Variants in SHC4 observed in about 807,000 individuals in gnomAD.
SHC4 encodes SHC adaptor protein 4, also known as SHC-transforming protein 4.
SHC4 carries 41 observed loss-of-function variants against 69.4 expected under a neutral mutation model. The ratio of observed to expected loss-of-function variants is 0.59; its 90% CI spans 0.46 to 0.77. SHC4 has a LOEUF of 0.77. SHC4 is among the 30% of genes least tolerant of loss of function. SHC4 has a pLI of 0.00. For synonymous variants in SHC4, 318 were observed against 299.3 expected, an observed-to-expected ratio of 1.06 and a Z score of -0.64; for missense variants, 777 against 783.8, an observed-to-expected ratio of 0.99 and a Z score of 0.10.
chr15:48,950,819 C>T (rs1901353828), intron 1 of SHC4, among the ~76,000 whole-genome samples: 1 of 151,950 alleles, frequency 6.6e-6, no homozygotes, highest in East Asian at 1.9e-4. Context: ...GCTTGGGTCG[C>T]GATGGTTGGC....
At chr15:48,898,999 T>C (rs1486110687) in intron 2 of SHC4, among the ~76,000 whole-genome samples, 1 of 149,050 alleles carries the variant, frequency 6.7e-6, no homozygotes, top group Non-Finnish European at 1.5e-5. Flanking sequence ...AGTTAAAGAG[T>C]GCACTGATGC....
intron 2 of SHC4, among the ~76,000 whole-genome samples, chr15:48,905,210 G>A (rs1056328587): frequency 1.3e-5 from 2 of 152,148 alleles, no homozygotes; most frequent in Non-Finnish European, 2.9e-5. Context: ...TCCGTTATTC[G>A]ATAAATTATT....
At chr15:48,892,436 G>T (rs1336574917) in intron 2 of SHC4, among the ~76,000 whole-genome samples, 2 of 151,960 alleles carry the variant, frequency 1.3e-5, no homozygotes, top group African/African-American at 2.4e-5. Context: ...GTTTCTCTAG[G>T]ATTCTATCCT....
At chr15:48,953,524 T>G (rs1284859772) in intron 1 of SHC4, among the ~76,000 whole-genome samples, 4 of 152,142 alleles carry the variant, frequency 2.6e-5, no homozygotes, top group Non-Finnish European at 5.9e-5. Context: ...GGCCAGACAA[T>G]GGGCCTCTCT....
intron 10 of SHC4, among the ~76,000 whole-genome samples, chr15:48,836,793 A>G (rs1183594193): frequency 6.6e-6 from 1 of 152,150 alleles, no homozygotes; most frequent in African/African-American, 2.4e-5. Context: ...TTTTGTCCCT[A>G]CTTGAGGGCT....
chr15:48,962,683 G>T lies in SHC4; in HGVS notation c.333C>A (p.Thr111=). ...GGAGCTTCAGCCGAGGCACCTCTTT[G>T]GTACCCAGGCAAAAGTTTTTCAGAC... is the stretch of plus-strand genomic sequence containing the variant. The part of the protein sequence containing the change: ...LLSLKNFCLG[T]KEVPRLKLQE... The change falls in exon 1 of 12, where the codon ACC becomes ACA. Residue 111 remains threonine, a synonymous_variant. Transcript: ENST00000332408. 6.2e-7 allele frequency: 1 copy of T among 1,614,166 alleles called. No individual in the cohort carries two copies. Among genetic ancestry groups the T allele is most frequent in the Non-Finnish European group, 8.5e-7 (1 of 1,180,038 alleles).
At chr15:48,937,497 T>A (rs1281863442) in intron 1 of SHC4, among the ~76,000 whole-genome samples, 15 of 152,118 alleles carry the variant, frequency 9.9e-5, no homozygotes, top group Admixed American at 9.8e-4. Flanking sequence ...ATCTTTCCGA[T>A]CCTGACCTAA....
chr15:48,827,206 T>C (rs1898705719), intron 11 of SHC4, among the ~76,000 whole-genome samples: 1 of 152,182 alleles, frequency 6.6e-6, no homozygotes, highest in Non-Finnish European at 1.5e-5. Flanking sequence ...TGGAGTTCTG[T>C]CTAGATGTTG....
chr15:48,864,649 G>A (rs548670345), intron 6 of SHC4, among the ~76,000 whole-genome samples: 127 of 151,538 alleles, frequency 8.4e-4, no homozygotes, highest in African/African-American at 1.9e-3. Flanking sequence ...GGGTTTCACC[G>A]TGTTAGCCAG....
At chr15:48,849,884 G>C (rs1899173480) in intron 9 of SHC4, among the ~76,000 whole-genome samples, 1 of 152,156 alleles carries the variant, frequency 6.6e-6, no homozygotes, top group Non-Finnish European at 1.5e-5. Flanking sequence ...TCTATCATAA[G>C]AAGGCATATT....
chr15:48,890,846 C>G (rs1214340772), intron 2 of SHC4, 35 bp from the exon 3 acceptor site: 2 of 1,603,200 alleles, frequency 1.2e-6, no homozygotes, highest in Non-Finnish European at 1.7e-6. Flanking sequence ...AAAGACTTAG[C>G]ATACTACCTC....
chr15:48,826,236 T>C (rs1898685842), intron 11 of SHC4, 110 bp from the exon 12 acceptor site: 1 of 1,060,986 alleles, frequency 9.4e-7, no homozygotes, highest in African/African-American at 1.6e-5. Context: ...GATACTTTGC[T>C]GAAAAAAGAA....
At position 48,834,937 on chromosome 15, in the gene SHC4, G is replaced by C; in HGVS notation, c.1569C>G (p.Ser523Arg). ...TCAGCTTGCCATGATAGCATTCTTCGCTCCACAGCTGCTGCTTAATGTGTG... is the reference window on the plus strand; with the variant it reads ...TCAGCTTGCCATGATAGCATTCTTCCCTCCACAGCTGCTGCTTAATGTGTG... ...SLPHIKQQLW[S>R]EECYHGKLSR... Residue 523 changes from serine (S) to arginine (R), a missense_variant, in exon 11 of 12, where the codon AGC becomes AGG. By Grantham distance (110) the Ser-to-Arg change is moderately radical. Transcript: ENST00000332408. The C allele has an allele frequency of 6.2e-7, 1 of 1,613,478 alleles. No individual in the cohort carries two copies. The highest frequency in any genetic ancestry group is 8.5e-7 in the Non-Finnish European group (1 of 1,179,716).
At chr15:48,827,069 C>G (rs146468094) in intron 11 of SHC4, among the ~76,000 whole-genome samples, 5 of 152,238 alleles carry the variant, frequency 3.3e-5, no homozygotes, top group African/African-American at 1.2e-4. Context: ...GCTCTACCAG[C>G]TTGGTGGCCT....
intron 3 of SHC4, 138 bp downstream of exon 3, chr15:48,890,610 G>C (rs1900119568): frequency 2.2e-6 from 2 of 914,740 alleles, no homozygotes; most frequent in Admixed American, 3.8e-5. Context: ...GCAGTTTTGA[G>C]TGCAGCTCTG....
chr15:48,890,908 A>G, intron 2 of SHC4, 97 bp from the exon 3 acceptor site: 1 of 1,270,718 alleles, frequency 7.9e-7, no homozygotes, highest in African/African-American at 1.5e-5. Context: ...CAAAAAGTAC[A>G]CATACATAAT....
At chr15:48,843,331 G>A in intron 10 of SHC4, 78 bp downstream of exon 10, 1 of 1,426,908 alleles carries the variant, frequency 7.0e-7, no homozygotes, top group Non-Finnish European at 9.6e-7. Context: ...CCAGAACTGT[G>A]AAAGAATAAA....
intron 2 of SHC4, among the ~76,000 whole-genome samples, chr15:48,906,111 A>G (rs1900401228): frequency 6.6e-6 from 1 of 152,214 alleles, no homozygotes; most frequent in Non-Finnish European, 1.5e-5. Flanking sequence ...CTAAAACTCT[A>G]AAACAATGCC....
At chr15:48,931,711 C>G (rs1900968822) in intron 1 of SHC4, among the ~76,000 whole-genome samples, 1 of 152,104 alleles carries the variant, frequency 6.6e-6, no homozygotes, top group African/African-American at 2.4e-5. Flanking sequence ...ATGAATTCAA[C>G]TGCATCCATT....
Sources: gnomAD v4.1 joint callset for allele counts (sites outside exome capture counted in the v4.1 genomes callset) on GRCh38, gnomAD v4.1.1 for gene constraint, MANE v1.5 for transcripts, NCBI Gene and HGNC (gene_info 2026-07-23, HGNC 2026-07-21) for gene names.